The following THSD4 variants were observed in gnomAD, a reference collection of about 807,000 sequenced individuals.
The protein encoded by THSD4 is thrombospondin type-1 domain-containing protein 4.
THSD4 carries 69 observed loss-of-function variants against 119.0 expected under a neutral mutation model. The ratio of observed to expected loss-of-function variants is 0.58; its 90% CI spans 0.48 to 0.71. THSD4 has a LOEUF of 0.71. THSD4 is among the 30% of genes least tolerant of loss of function. The pLI is 0.00. For synonymous variants in THSD4, 524 were observed against 540.4 expected (o/e 0.97, Z 0.42); for missense variants, 1,393 against 1,391.1 (o/e 1.00, Z -0.02).
At chr15:71,155,644 G>T (rs1395517929) in intron 3 of THSD4, among the ~76,000 whole-genome samples, 1 of 152,170 alleles carries the variant, frequency 6.6e-6, no homozygotes, top group Non-Finnish European at 1.5e-5. Flanking sequence ...GAATGGAGGA[G>T]ACCAGTATGG....
At chr15:71,407,717 T>C (rs1352574348) in intron 6 of THSD4, among the ~76,000 whole-genome samples, 5 of 152,208 alleles carry the variant, frequency 3.3e-5, no homozygotes, top group Admixed American at 3.3e-4. Context: ...GCGTGGGATC[T>C]GAATATCTTT....
intron 7 of THSD4, among the ~76,000 whole-genome samples, chr15:71,637,908 G>A (rs549984059): frequency 2.9e-4 from 44 of 152,032 alleles, no homozygotes; most frequent in African/African-American, 9.9e-4. Context: ...TGTATTTTTA[G>A]TAGAGACGGA....
intron 4 of THSD4, among the ~76,000 whole-genome samples, chr15:71,234,474 T>A (rs2044087275): frequency 6.6e-6 from 1 of 152,052 alleles, no homozygotes; most frequent in African/African-American, 2.4e-5. Flanking sequence ...CCCAGCTGAT[T>A]TTTGTATTTT....
Position 71,154,871 on chromosome 15 carries a change from GT to G in THSD4, c.41del (p.Phe14SerfsTer60). The G allele has an allele frequency of 6.2e-7, 1 of 1,614,124 alleles. No individual in the cohort carries two copies. Among genetic ancestry groups the G allele is most frequent in the Non-Finnish European group, 8.5e-7 (1 of 1,180,022 alleles). On this transcript the variant is annotated frameshift_variant, in exon 3 of 18. Transcript: ENST00000261862. LOFTEE classifies it high-confidence loss of function. ...SHFMGSLSVLCFLLLLGFQFV... is the reference protein window; with the variant it reads ...SHFMGSLSVLXFLLLLGFQFV... ...CTATTTTCCCTTTTCAGTGTCCTGT[GT>G]TTCCTTCTGCTGCTTGGATTCCAGT...
chr15:71,635,028 C>T (rs561493823), intron 7 of THSD4, among the ~76,000 whole-genome samples: 8 of 152,308 alleles, frequency 5.3e-5, no homozygotes, highest in South Asian at 4.1e-4. Context: ...TTCCTGCCAT[C>T]GCATGGCCTC....
intron 6 of THSD4, among the ~76,000 whole-genome samples, chr15:71,311,756 T>C (rs1324441917): frequency 6.6e-6 from 1 of 152,224 alleles, no homozygotes; most frequent in Non-Finnish European, 1.5e-5. Context: ...GCCAAATGCT[T>C]GGGAGTCATC....
intron 6 of THSD4, among the ~76,000 whole-genome samples, chr15:71,386,634 GGAGATGTTACCACGTGAAA>G (rs1282804798): frequency 3.9e-5 from 6 of 152,202 alleles, no homozygotes; most frequent in African/African-American, 1.4e-4. Flanking sequence ...TCCAGCAGAT[GGAGATGTTACCACGTGAAA>G]GAGAAGTTTG....
At chr15:71,636,109 T>C (rs2050733952) in intron 7 of THSD4, among the ~76,000 whole-genome samples, 1 of 152,152 alleles carries the variant, frequency 6.6e-6, no homozygotes, top group Admixed American at 6.5e-5. Flanking sequence ...TTGTTTACCT[T>C]CTCCTCAACT....
intron 3 of THSD4, among the ~76,000 whole-genome samples, chr15:71,192,874 C>A (rs575463495): frequency 7.9e-5 from 12 of 152,248 alleles, no homozygotes; most frequent in African/African-American, 2.9e-4. Context: ...CCCTAACAGC[C>A]CTCTGCACAG....
At position 71,745,181 on chromosome 15, in the gene THSD4, G is replaced by A; in HGVS notation, c.1982G>A (p.Ser661Asn). The change falls in exon 12 of 18, where the codon AGC becomes AAC. Residue 661 changes from serine to asparagine, a missense_variant. Ser to Asn is a conservative substitution (Grantham distance 46). Transcript: ENST00000261862. The stretch of plus-strand genomic sequence containing the variant: ...GCTCCTGAGAGTTACTGTGACTCCA[G>A]CATGAAGCCGACCCCCGAGGAGGAG... ...EEAPESYCDS[S>N]MKPTPEEEPC... 1.2e-6 allele frequency: 2 copies of A among 1,612,960 alleles called. No homozygotes were observed. Among genetic ancestry groups the A allele is most frequent in the African/African-American group, 1.3e-5 (1 of 74,946 alleles).
upstream of THSD4, chr15:71,112,326 AATAATTAATTAATAATT>A: frequency 8.3e-7 from 1 of 1,198,220 alleles, no homozygotes; most frequent in Non-Finnish European, 1.1e-6. Flanking sequence ...GGGTACTATT[AATAATTAATTAATAATT>A]ATAATAGGAC....
intron 1 of THSD4, among the ~76,000 whole-genome samples, chr15:71,122,364 G>A (rs1246940917): frequency 2.0e-5 from 3 of 152,184 alleles, no homozygotes; most frequent in Non-Finnish European, 4.4e-5. Context: ...ACAGCAAGTA[G>A]ACATCAGAAT....
At chr15:71,722,033 T>C (rs1302233921) in intron 8 of THSD4, among the ~76,000 whole-genome samples, 1 of 151,996 alleles carries the variant, frequency 6.6e-6, no homozygotes, top group East Asian at 1.9e-4. Flanking sequence ...TATCTTTATA[T>C]TGACATAGCC....
intron 7 of THSD4, among the ~76,000 whole-genome samples, chr15:71,524,313 T>C (rs545453828): frequency 1.8e-4 from 28 of 152,298 alleles, no homozygotes; most frequent in African/African-American, 6.5e-4. Context: ...GCTCTGACTT[T>C]AATAGTCCGT....
At chr15:71,386,383 A>G (rs997337036) in intron 6 of THSD4, among the ~76,000 whole-genome samples, 1 of 152,204 alleles carries the variant, frequency 6.6e-6, no homozygotes, top group Non-Finnish European at 1.5e-5. Flanking sequence ...ATGTACAATT[A>G]TAAAGAAAGA....
intron 6 of THSD4, among the ~76,000 whole-genome samples, chr15:71,384,141 A>G (rs2046264073): frequency 1.3e-5 from 2 of 152,180 alleles, no homozygotes; most frequent in African/African-American, 4.8e-5. Flanking sequence ...GCACTTTGGG[A>G]GGCCGAGGCG....
Position 71,218,104 on chromosome 15 carries a change from A to C in THSD4, c.464+2705A>C, listed in dbSNP as rs189463717. On this transcript the variant is annotated intron_variant, in intron 4 of 17. Coordinates refer to ENST00000261862, the MANE Select transcript of THSD4 (RefSeq NM_024817.3). ...GCACTGTTCTTATCACTTTACACTC[A>C]TGGTCCTATAAGAGAGTTGCTAATA... is the stretch of plus-strand genomic sequence containing the variant. 3.8e-3 allele frequency among the ~76,000 whole-genome samples: 574 copies of C among 152,294 alleles called. 4 individuals are homozygous for C. The highest frequency in any genetic ancestry group is 7.7e-3 in the Admixed American group (117 of 15,294).
At chr15:71,535,918 G>A (rs1403762434) in intron 7 of THSD4, among the ~76,000 whole-genome samples, 3 of 151,916 alleles carry the variant, frequency 2.0e-5, no homozygotes, top group African/African-American at 7.3e-5. Flanking sequence ...GCAGCACCAG[G>A]GTCTTGAATT....
At chr15:71,626,303 C>T (rs2050509094) in intron 7 of THSD4, among the ~76,000 whole-genome samples, 1 of 152,174 alleles carries the variant, frequency 6.6e-6, no homozygotes, top group African/African-American at 2.4e-5. Context: ...TTTTCCAGCA[C>T]TAATACTTCT....
Sources: allele counts gnomAD v4.1 joint callset (sites outside exome capture counted in the v4.1 genomes callset), GRCh38; gene constraint gnomAD v4.1.1; transcripts MANE v1.5; gene names NCBI Gene and HGNC (gene_info 2026-07-23, HGNC 2026-07-21).